The following TMCO5A variants were observed in gnomAD, a reference collection of about 807,000 sequenced individuals.
The protein encoded by TMCO5A is transmembrane and coiled-coil domain-containing protein 5A.
TMCO5A carries 34 observed loss-of-function variants against 42.3 expected under a neutral mutation model. The ratio of observed to expected loss-of-function variants is 0.80; its 90% CI spans 0.61 to 1.07. The LOEUF is 1.07. TMCO5A is among the 50% of genes least tolerant of loss of function. The pLI is 0.00. For synonymous variants in TMCO5A, 131 were observed against 115.6 expected, an observed-to-expected ratio of 1.13 and a Z score of -0.86; for missense variants, 357 against 327.9, an observed-to-expected ratio of 1.09 and a Z score of -0.69.
chr15:38,003,222 GTCTCTCTCTCTCTC>G, the TMCO5A span, among the ~76,000 whole-genome samples: 1 of 147,054 alleles, frequency 6.8e-6, no homozygotes, highest in Non-Finnish European at 1.5e-5. Flanking sequence ...CCCAAACAGA[GTCTCTCTCTCTCTC>G]TCTCTCTCTC....
At chr15:37,960,242 C>T (rs1006125536) in intron 11 of TMCO5A, among the ~76,000 whole-genome samples, 1 of 151,782 alleles carries the variant, frequency 6.6e-6, no homozygotes, top group African/African-American at 2.4e-5. Flanking sequence ...GCCTTTGCGT[C>T]CTCATAGCTT....
intron 1 of TMCO5A, 112 bp downstream of exon 1, chr15:37,934,806 A>T (rs1254471009): frequency 1.3e-5 from 2 of 152,166 alleles, no homozygotes; most frequent in Non-Finnish European, 2.9e-5. Flanking sequence ...AAAGATCTTA[A>T]TATCTGGAAA....
chr15:38,009,970 T>C, the TMCO5A span, among the ~76,000 whole-genome samples: 1 of 152,136 alleles, frequency 6.6e-6, no homozygotes, highest in Non-Finnish European at 1.5e-5. Context: ...TGTCACCTTA[T>C]ATAGAACAAG....
At chr15:38,020,488 T>C in the TMCO5A span, 1 of 152,160 alleles carries the variant, frequency 6.6e-6, no homozygotes, top group Non-Finnish European at 1.5e-5. Flanking sequence ...GCTGAAGTTA[T>C]CTGCAACTCA....
At chr15:37,939,601 A>G (rs906140325) in intron 6 of TMCO5A, among the ~76,000 whole-genome samples, 1 of 152,108 alleles carries the variant, frequency 6.6e-6, no homozygotes, top group African/African-American at 2.4e-5. Flanking sequence ...TAGTCAGAAT[A>G]ATGGCCATTA....
intron 11 of TMCO5A, among the ~76,000 whole-genome samples, chr15:37,960,913 C>CTAGATTCTGAATA (rs1246508281): frequency 9.2e-5 from 14 of 151,632 alleles, no homozygotes; most frequent in African/African-American, 3.1e-4. Flanking sequence ...TGAGTTTGTT[C>CTAGATTCTGAATA]TAGATTCTGA....
chr15:37,979,859 C>T, the TMCO5A span, among the ~76,000 whole-genome samples: 1 of 152,170 alleles, frequency 6.6e-6, no homozygotes, highest in Non-Finnish European at 1.5e-5. Flanking sequence ...GGTTGGGAGG[C>T]CCTGCCCACT....
At chr15:38,025,162 GGTGTGTGT>G in the TMCO5A span, 2,266 of 147,580 alleles carry the variant, frequency 0.015, 34 homozygotes, top group Non-Finnish European at 0.02. Flanking sequence ...ACAGCTTTTG[GGTGTGTGT>G]GTGTGTGTGT....
At chr15:37,941,815 A>G (rs772486505) in intron 8 of TMCO5A, 85 bp downstream of exon 8, 2 of 1,207,660 alleles carry the variant, frequency 1.7e-6, no homozygotes, top group African/African-American at 3.0e-5. Flanking sequence ...ACTACTGTCC[A>G]GAGCAATTTC....
At chr15:37,944,861 A>AT (rs143005394) in intron 10 of TMCO5A, among the ~76,000 whole-genome samples, 1,911 of 151,874 alleles carry the variant, frequency 0.013, 40 homozygotes, top group East Asian at 0.054. Context: ...TCATCTTTAG[A>AT]TTTTTTTTTC....
chr15:37,954,452 T>C (rs1890234851), downstream of TMCO5A, among the ~76,000 whole-genome samples: 1 of 152,110 alleles, frequency 6.6e-6, no homozygotes, highest in African/African-American at 2.4e-5. Context: ...AGTATTCTGG[T>C]GAAAATGTCC....
downstream of TMCO5A, chr15:37,967,748 T>C (rs1890589687): frequency 6.6e-6 from 1 of 152,194 alleles, no homozygotes; most frequent in African/African-American, 2.4e-5. Flanking sequence ...ATATTTGAAC[T>C]CCTTCTTGAA....
chr15:37,937,391 C>T lies in TMCO5A; in HGVS notation c.310C>T (p.Gln104Ter), dbSNP rs1210952114. 2 of 1,613,018 alleles carry T rather than the reference C, an allele frequency of 1.2e-6. No individual in the cohort carries two copies. Among genetic ancestry groups the T allele is most frequent in the East Asian group, 4.5e-5 (2 of 44,826 alleles). ...TLVHSITELQ[Q>*]KLTRKSQKIT... ...GGTCCACAGTATAACAGAACTTCAA[C>T]AAAAGGTGAGGTAGGGTACTTGTGT... Residue 104 changes from glutamine (Q) to a stop codon, truncating the protein, a stop_gained, in exon 5 of 12, where the codon CAA becomes TAA. Transcript: ENST00000319669. LOFTEE classifies it high-confidence loss of function.
intron 6 of TMCO5A, among the ~76,000 whole-genome samples, chr15:37,939,612 T>C (rs1380886602): frequency 6.6e-6 from 1 of 152,126 alleles, no homozygotes; most frequent in African/African-American, 2.4e-5. Context: ...ATGGCCATTA[T>C]TTTGCTGGCT....
downstream of TMCO5A, among the ~76,000 whole-genome samples, chr15:37,970,639 C>T (rs934118699): frequency 6.6e-6 from 1 of 152,210 alleles, no homozygotes; most frequent in Non-Finnish European, 1.5e-5. Flanking sequence ...GCCTATGAGA[C>T]TGTAAAATCA....
intron 6 of TMCO5A, among the ~76,000 whole-genome samples, chr15:37,939,941 A>C (rs1248581882): frequency 6.6e-6 from 1 of 152,072 alleles, no homozygotes; most frequent in Non-Finnish European, 1.5e-5. Context: ...CAAAGTGGGA[A>C]CAGCAGAGCT....
chr15:37,999,008 G>A, the TMCO5A span, among the ~76,000 whole-genome samples: 4 of 152,154 alleles, frequency 2.6e-5, no homozygotes, highest in Non-Finnish European at 5.9e-5. Flanking sequence ...CCAGGTTCAA[G>A]CGATTCTCCT....
At chr15:37,964,812 A>G (rs908871920) in intron 11 of TMCO5A, among the ~76,000 whole-genome samples, 13 of 152,170 alleles carry the variant, frequency 8.5e-5, no homozygotes, top group Non-Finnish European at 1.5e-4. Flanking sequence ...TGGAAGAATT[A>G]ATATTGTTAA....
At chr15:38,010,209 T>TA in the TMCO5A span, among the ~76,000 whole-genome samples, 60,337 of 149,836 alleles carry the variant, frequency 0.4, 12,832 homozygotes, top group Middle Eastern at 0.52. Flanking sequence ...CCGTCTCTAC[T>TA]AAAAAAAATA....
Sources: gnomAD v4.1 joint callset for allele counts (sites outside exome capture counted in the v4.1 genomes callset) on GRCh38, gnomAD v4.1.1 for gene constraint, MANE v1.5 for transcripts, NCBI Gene and HGNC (gene_info 2026-07-23, HGNC 2026-07-21) for gene names.